The following BAHD1 variants were observed in gnomAD, a reference collection of about 807,000 sequenced individuals.
BAHD1 encodes bromo adjacent homology domain-containing 1 protein.
Under a neutral mutation model 63.1 loss-of-function variants are expected in BAHD1, and 20 were observed. The ratio of observed to expected loss-of-function variants is 0.32; its 90% CI spans 0.22 to 0.46. The LOEUF is 0.46. Ranked by LOEUF, BAHD1 falls within the 20% of genes least tolerant of loss-of-function variation. BAHD1 has a pLI of 1.00. For synonymous variants in BAHD1, 408 were observed against 426.8 expected (o/e 0.96, Z 0.54); for missense variants, 939 against 1,071.8 (o/e 0.88, Z 1.73).
At chr15:40,438,647 A>G (rs969375624), upstream of BAHD1, among the ~76,000 whole-genome samples, 2 of 151,812 alleles carry the variant, frequency 1.3e-5, no homozygotes, top group Admixed American at 6.6e-5. Context: ...GAGACCCCAG[A>G]TAAGACAACA....
chr15:40,455,689 C>T (rs1046627933), intron 1 of BAHD1, among the ~76,000 whole-genome samples: 3 of 152,208 alleles, frequency 2.0e-5, no homozygotes, highest in Non-Finnish European at 2.9e-5. Flanking sequence ...TCAAAGACGA[C>T]AAGCCCAGGT....
intron 1 of BAHD1, among the ~76,000 whole-genome samples, chr15:40,457,223 C>T (rs1172886315): frequency 6.6e-6 from 1 of 152,302 alleles, no homozygotes; most frequent in East Asian, 1.9e-4. Flanking sequence ...TTTCTTTTCC[C>T]AACTGTTTGT....
intron 1 of BAHD1, among the ~76,000 whole-genome samples, chr15:40,449,213 T>C (rs1374282977): frequency 6.6e-6 from 1 of 152,216 alleles, no homozygotes; most frequent in East Asian, 1.9e-4. Context: ...AGATAGTGAA[T>C]GTAGTGTGCT....
chr15:40,439,323 C>A (rs1191514273), upstream of BAHD1, among the ~76,000 whole-genome samples: 4 of 152,186 alleles, frequency 2.6e-5, no homozygotes, highest in African/African-American at 9.7e-5. Flanking sequence ...TCTGGGCCCC[C>A]TGGACAGCTC....
chr15:40,450,045 A>G (rs1893658223), intron 1 of BAHD1, among the ~76,000 whole-genome samples: 1 of 152,130 alleles, frequency 6.6e-6, no homozygotes, highest in South Asian at 2.1e-4. Flanking sequence ...GGGCAGGTGG[A>G]CAGCCAGATC....
chr15:40,463,307 A>AAAAT (rs1275301465), intron 3 of BAHD1, among the ~76,000 whole-genome samples: 2 of 152,214 alleles, frequency 1.3e-5, no homozygotes, highest in Admixed American at 1.3e-4. Flanking sequence ...CCTGTCTCTA[A>AAAAT]AAATAAATAA....
At chr15:40,438,983 C>T (rs1300245780), upstream of BAHD1, among the ~76,000 whole-genome samples, 1 of 152,120 alleles carries the variant, frequency 6.6e-6, no homozygotes, top group Non-Finnish European at 1.5e-5. Flanking sequence ...TGGGGGCCAC[C>T]GTGGGGTTAA....
At chr15:40,443,110 G>C (rs951239031) in intron 1 of BAHD1, 3 of 210,396 alleles carry the variant, frequency 1.4e-5, no homozygotes, top group Non-Finnish European at 2.5e-5. Flanking sequence ...TCAGAATGTG[G>C]ATTTTGCTGA....
At chr15:40,439,073 G>C (rs1197699851), upstream of BAHD1, among the ~76,000 whole-genome samples, 1 of 152,196 alleles carries the variant, frequency 6.6e-6, no homozygotes, top group Non-Finnish European at 1.5e-5. Flanking sequence ...TGTGTGTTGG[G>C]GGGGCGCTGC....
chr15:40,458,760 C>A lies in BAHD1; in HGVS notation c.296C>A (p.Pro99His). 1 of 1,613,302 alleles carries A rather than the reference C, an allele frequency of 6.2e-7. No homozygotes were observed. The highest frequency in any genetic ancestry group is 8.5e-7 in the Non-Finnish European group (1 of 1,180,018). ...ADELPPDLPKPPSPAPSSEDP... is the reference protein window; with the variant it reads ...ADELPPDLPKHPSPAPSSEDP... ...GAGCTACCGCCTGACCTGCCCAAGC[C>A]CCCCAGCCCGGCCCCATCCAGTGAA... is the stretch of plus-strand genomic sequence containing the variant. The change falls in exon 2 of 7, where the codon CCC (proline) becomes CAC (histidine). Residue 99 changes from proline (P) to histidine (H), a missense_variant. Physicochemically the swap from Pro to His is moderately conservative, Grantham distance 77. Coordinates refer to ENST00000416165, the MANE Select transcript of BAHD1 (RefSeq NM_014952.5). This position sits in a 1 kb window ranked among gnomAD's most constrained non-coding sequence, Gnocchi z 4.7.
At chr15:40,438,623 CT>C (rs1893324567), upstream of BAHD1, among the ~76,000 whole-genome samples, 1 of 152,124 alleles carries the variant, frequency 6.6e-6, no homozygotes, top group South Asian at 2.1e-4. Flanking sequence ...GTATTCCTTC[CT>C]TTCCCTCCCA....
chr15:40,441,650 G>C (rs1216078056), intron 1 of BAHD1, among the ~76,000 whole-genome samples: 2 of 147,726 alleles, frequency 1.4e-5, no homozygotes, highest in Admixed American at 1.3e-4. Context: ...TGCGGAGGGC[G>C]GGAGGACGCC....
intron 1 of BAHD1, among the ~76,000 whole-genome samples, chr15:40,455,028 A>G (rs899638695): frequency 6.6e-6 from 1 of 152,190 alleles, no homozygotes; most frequent in East Asian, 1.9e-4. Flanking sequence ...AGCATGACTC[A>G]CACATGCTCT....
At chr15:40,465,219 A>G in intron 5 of BAHD1, 116 bp from the exon 6 acceptor site, 1 of 833,724 alleles carries the variant, frequency 1.2e-6, no homozygotes, top group Middle Eastern at 2.3e-4. Flanking sequence ...TTTCCAGGGA[A>G]GCTTGCTGGA....
intron 3 of BAHD1, among the ~76,000 whole-genome samples, chr15:40,462,673 A>C (rs1894087350): frequency 6.6e-6 from 1 of 152,128 alleles, no homozygotes; most frequent in South Asian, 2.1e-4. Context: ...GGGCAGAGAA[A>C]ATTAGTGACA....
chr15:40,456,197 C>G (rs1360754695), intron 1 of BAHD1, among the ~76,000 whole-genome samples: 1 of 151,984 alleles, frequency 6.6e-6, no homozygotes, highest in African/African-American at 2.4e-5. Context: ...CCAGGATGGT[C>G]TTGATCTCCT....
At chr15:40,438,599 C>G (rs1237723783), upstream of BAHD1, among the ~76,000 whole-genome samples, 1 of 152,148 alleles carries the variant, frequency 6.6e-6, no homozygotes, top group Non-Finnish European at 1.5e-5. Context: ...ACTACTCTGC[C>G]TCCTCTCCGG....
In BAHD1 at chr15:40,466,235, T is replaced by G; in HGVS notation, c.*105T>G. 1.8e-6 allele frequency: 2 copies of G among 1,094,580 alleles called. No individual in the cohort carries two copies. The highest frequency in any genetic ancestry group is 2.9e-5 in the East Asian group (1 of 34,754). 67.8% of individuals were successfully genotyped at this position (1,094,580 alleles called of 1,614,324 possible). A position where few individuals can be genotyped will look rare whatever the true frequency, so the allele number is the denominator to read the frequency against. ...GTTAGGGGGCCACAGAGGCCTAAGTTTGCTGGCCTGTGGTTTTCTTGGGGG... is the reference window on the plus strand; with the variant it reads ...GTTAGGGGGCCACAGAGGCCTAAGTGTGCTGGCCTGTGGTTTTCTTGGGGG... On this transcript the variant is annotated 3_prime_UTR_variant, in exon 7 of 7. Coordinates refer to ENST00000416165, the MANE Select transcript of BAHD1 (RefSeq NM_014952.5).
intron 1 of BAHD1, among the ~76,000 whole-genome samples, chr15:40,457,489 C>A (rs1055659773): frequency 2.6e-5 from 4 of 152,194 alleles, no homozygotes; most frequent in Non-Finnish European, 4.4e-5. Flanking sequence ...CAAAGCCAGG[C>A]CTTCACCCTT....
Sources: gnomAD v4.1 joint callset for allele counts (sites outside exome capture counted in the v4.1 genomes callset) on GRCh38, gnomAD v4.1.1 for gene constraint, Gnocchi (gnomAD v3.1) non-coding constraint, MANE v1.5 for transcripts, NCBI Gene and HGNC (gene_info 2026-07-23, HGNC 2026-07-21) for gene names.